The following CPA5 variants were observed in gnomAD, a reference collection of about 807,000 sequenced individuals.
CPA5 encodes the protein testicular tissue protein Li 32.
CPA5 carries 38 observed loss-of-function variants against 52.2 expected under a neutral mutation model. The ratio of observed to expected loss-of-function variants is 0.73; its 90% CI spans 0.56 to 0.95. The LOEUF (loss-of-function observed/expected upper bound fraction) is 0.95, where lower values mean the gene tolerates loss of function less well. Ranked by LOEUF, CPA5 falls within the 40% of genes least tolerant of loss-of-function variation. The pLI is 0.00. For missense variants in CPA5, 519 were observed against 566.7 expected (o/e 0.92, Z 0.86); for synonymous variants, 198 against 213.7 (o/e 0.93, Z 0.64).
downstream of CPA5, among the ~76,000 whole-genome samples, chr7:130,369,666 T>C (rs1437492812): frequency 6.6e-6 from 1 of 152,080 alleles, no homozygotes; most frequent in Non-Finnish European, 1.5e-5. Flanking sequence ...TGTGCACGTG[T>C]GTGCATGTGC....
At chr7:130,363,557 C>A in intron 10 of CPA5, 48 bp downstream of exon 10, 1 of 1,461,284 alleles carries the variant, frequency 6.8e-7, no homozygotes, top group Non-Finnish European at 9.4e-7. Context: ...GAGGTGTTGG[C>A]CCATGGCAGG....
Position 130,362,910 on chromosome 7 carries a change from T to C in CPA5, c.663T>C (p.Arg221=). ...NKIVSDYGKD[R]VLTDILNAMD... The stretch of plus-strand genomic sequence containing the variant: ...TTGTCAGTGATTATGGCAAAGACCG[T>C]GTCCTGACAGACATACTGAATGCCA... Residue 221 remains arginine, a synonymous_variant, in exon 9 of 13, where the codon CGT becomes CGC. Transcript: ENST00000474905. The C allele has an allele frequency of 6.2e-7, 1 of 1,613,456 alleles. No individual in the cohort carries two copies. The highest frequency in any genetic ancestry group is 8.5e-7 in the Non-Finnish European group (1 of 1,179,454).
At chr7:130,362,566 C>T (rs201396468) in intron 8 of CPA5, 27 bp downstream of exon 8, 19 of 1,529,222 alleles carry the variant, frequency 1.2e-5, no homozygotes, top group Admixed American at 8.4e-5. Flanking sequence ...AGCCAAGGTG[C>T]ACCCACGATG....
chr7:130,363,607 G>A (rs782363854), intron 10 of CPA5, 98 bp downstream of exon 10: 2 of 1,012,178 alleles, frequency 2.0e-6, no homozygotes, highest in African/African-American at 1.6e-5. Context: ...CAACTTGGGA[G>A]GCATGGGACA....
chr7:130,364,743 G>C (rs545827938), intron 10 of CPA5, among the ~76,000 whole-genome samples: 2 of 152,248 alleles, frequency 1.3e-5, no homozygotes, highest in African/African-American at 4.8e-5. Flanking sequence ...ATCCCAGTGA[G>C]GGGGAGGGGG....
At chr7:130,364,020 C>CT (rs1337154236) in intron 10 of CPA5, among the ~76,000 whole-genome samples, 4 of 152,048 alleles carry the variant, frequency 2.6e-5, no homozygotes, top group African/African-American at 7.2e-5. Flanking sequence ...GAATTAACCA[C>CT]TTTTTTTTCT....
intron 5 of CPA5, among the ~76,000 whole-genome samples, chr7:130,351,790 G>A (rs1158469919): frequency 6.6e-6 from 1 of 152,146 alleles, no homozygotes; most frequent in African/African-American, 2.4e-5. Context: ...CAGATGCACG[G>A]GCCCGATTGT....
At chr7:130,358,939 C>T (rs1023188943) in intron 5 of CPA5, among the ~76,000 whole-genome samples, 4 of 152,198 alleles carry the variant, frequency 2.6e-5, no homozygotes, top group African/African-American at 9.7e-5. Flanking sequence ...CTCATCAAGA[C>T]TTGTGTTTAG....
chr7:130,366,298 A>ATCCC (rs1207912911), intron 10 of CPA5, among the ~76,000 whole-genome samples: 1 of 152,176 alleles, frequency 6.6e-6, no homozygotes, highest in Admixed American at 6.5e-5. Context: ...AGTTGAGGCG[A>ATCCC]TCCCTGATCT....
chr7:130,347,344 G>A (rs1453615545), intron 3 of CPA5, among the ~76,000 whole-genome samples: 1 of 152,212 alleles, frequency 6.6e-6, no homozygotes, highest in Non-Finnish European at 1.5e-5. Context: ...TGGCCTTGGG[G>A]CCCCCTCGCG....
chr7:130,368,498 T>C lies in CPA5; in HGVS notation c.1212T>C (p.Tyr404=). Residue 404 remains tyrosine (Y), a synonymous_variant, in exon 13 of 13, where the codon TAT becomes TAC. Transcript: ENST00000474905. ...TTGAGCTCCGGGACACTGGGCAGTATGGCTTCCTGCTGCCGGCCACACAGA... is the reference window on the plus strand; with the variant it reads ...TTGAGCTCCGGGACACTGGGCAGTACGGCTTCCTGCTGCCGGCCACACAGA... ...FSFELRDTGQ[Y]GFLLPATQII... The C allele has an allele frequency of 6.2e-7, 1 of 1,614,110 alleles. No homozygotes were observed. Among genetic ancestry groups the C allele is most frequent in the Non-Finnish European group, 8.5e-7 (1 of 1,180,004 alleles).
downstream of CPA5, among the ~76,000 whole-genome samples, chr7:130,371,055 A>G (rs1266787919): frequency 6.6e-6 from 1 of 152,156 alleles, no homozygotes; most frequent in East Asian, 1.9e-4. Context: ...TGGTCTGCAG[A>G]CCACAGGCAT....
At chr7:130,369,390 G>A (rs1796265016), downstream of CPA5, among the ~76,000 whole-genome samples, 1 of 152,170 alleles carries the variant, frequency 6.6e-6, no homozygotes, top group African/African-American at 2.4e-5. Flanking sequence ...CCTTCCCCCA[G>A]CCCCAGGCCT....
intron 6 of CPA5, 30 bp from the exon 7 acceptor site, chr7:130,361,113 T>G (rs536495825): frequency 7.0e-7 from 1 of 1,434,832 alleles, no homozygotes; most frequent in East Asian, 2.3e-5. Context: ...CCTGCTTAAC[T>G]GCCAATCTTA....
At chr7:130,368,351 C>G (rs1192280733) in intron 12 of CPA5, 59 bp from the exon 13 acceptor site, 5 of 1,556,300 alleles carry the variant, frequency 3.2e-6, no homozygotes, top group Non-Finnish European at 4.4e-6. Flanking sequence ...GCCTCTGTAC[C>G]TTGCAGCCAC....
intron 5 of CPA5, among the ~76,000 whole-genome samples, chr7:130,355,669 A>G (rs1015335232): frequency 5.3e-5 from 8 of 152,232 alleles, no homozygotes; most frequent in Non-Finnish European, 8.8e-5. Context: ...TTGGCATCCC[A>G]AAGTGCTGGG....
At chr7:130,372,326 C>T (rs1796302944), downstream of CPA5, among the ~76,000 whole-genome samples, 1 of 152,234 alleles carries the variant, frequency 6.6e-6, no homozygotes, top group East Asian at 1.9e-4. Context: ...AGGACTGTTT[C>T]TTCTCAGCCT....
chr7:130,353,480 C>T (rs1795301353), intron 5 of CPA5, among the ~76,000 whole-genome samples: 1 of 152,196 alleles, frequency 6.6e-6, no homozygotes, highest in Non-Finnish European at 1.5e-5. Context: ...CCTGGGGGTG[C>T]AATGGGCATC....
At chr7:130,369,236 A>T (rs1318126955), downstream of CPA5, among the ~76,000 whole-genome samples, 1 of 152,154 alleles carries the variant, frequency 6.6e-6, no homozygotes, top group Non-Finnish European at 1.5e-5. Context: ...CAGAGCCAGC[A>T]CATCAAAGCA....
Sources: allele counts gnomAD v4.1 joint callset (sites outside exome capture counted in the v4.1 genomes callset), GRCh38; gene constraint gnomAD v4.1.1; transcripts MANE v1.5; gene names NCBI Gene and HGNC (gene_info 2026-07-23, HGNC 2026-07-21).